Variants in AK9 observed in about 807,000 individuals in gnomAD.
AK9 encodes adenylate kinase 9, also known as adenylate kinase domain containing 1.
Under a neutral mutation model 239.6 loss-of-function variants are expected in AK9, and 191 were observed. The observed-to-expected ratio is 0.80, with a 90% confidence interval of 0.71 to 0.90. The LOEUF (loss-of-function observed/expected upper bound fraction) is 0.90, where lower values mean the gene tolerates loss of function less well. AK9 is among the 40% of genes least tolerant of loss of function. AK9 has a pLI of 0.00. For missense variants in AK9, 1,995 were observed against 2,214.7 expected (o/e 0.90, Z 1.99); for synonymous variants, 689 against 721.0 (o/e 0.96, Z 0.71).
intron 17 of AK9, among the ~76,000 whole-genome samples, chr6:109,603,563 ACT>A (rs1232959035): frequency 6.6e-6 from 1 of 151,766 alleles, no homozygotes; most frequent in Admixed American, 6.6e-5. Flanking sequence ...GAGATCTGAA[ACT>A]CTGTGCTGGG....
At position 109,515,986 on chromosome 6, in the gene AK9, C is replaced by T; in HGVS notation, c.3936G>A (p.Leu1312=). 1.3e-6 allele frequency: 2 copies of T among 1,551,350 alleles called. No individual in the cohort carries two copies. Among genetic ancestry groups the T allele is most frequent in the Non-Finnish European group, 1.7e-6 (2 of 1,146,698 alleles). ...HIVQYTLNMK[L]KPLVENRASI... is the part of the protein sequence containing the mutation. ...TTGCACGATTTTCCACCAGTGGTTT[C>T]AGTTTCATATTCAATGTATATTGTA... Residue 1312 remains leucine (L), a synonymous_variant, in exon 31 of 41, where the codon CTG becomes CTA. Transcript: ENST00000424296.
At chr6:109,675,604 T>A (rs773712314) in intron 2 of AK9, 25 bp downstream of exon 2, 1 of 1,296,654 alleles carries the variant, frequency 7.7e-7, no homozygotes, top group East Asian at 2.8e-5. Flanking sequence ...AAAAAAATTA[T>A]ACCAAATAAT....
chr6:109,538,036 A>G (rs545390466), intron 27 of AK9, among the ~76,000 whole-genome samples: 5 of 152,278 alleles, frequency 3.3e-5, no homozygotes, highest in Admixed American at 1.3e-4. Flanking sequence ...TATGTGGTCA[A>G]TTTTGGAATA....
At chr6:109,644,742 T>G in intron 8 of AK9, 54 bp from the exon 9 acceptor site, 2 of 1,451,042 alleles carry the variant, frequency 1.4e-6, no homozygotes, top group Non-Finnish European at 1.9e-6. Flanking sequence ...AAAAACTGAA[T>G]ACAAGATCAG....
intron 3 of AK9, among the ~76,000 whole-genome samples, chr6:109,672,515 C>A (rs9400316): frequency 6.6e-6 from 1 of 151,696 alleles, no homozygotes; most frequent in Non-Finnish European, 1.5e-5. Context: ...AGACTACATT[C>A]CTACAAAAAG....
chr6:109,514,235 C>T lies in AK9; in HGVS notation c.4268G>A (p.Gly1423Glu). 6.5e-7 allele frequency: 1 copy of T among 1,550,364 alleles called. No homozygotes were observed. Among genetic ancestry groups the T allele is most frequent in the Non-Finnish European group, 8.7e-7 (1 of 1,146,590 alleles). ...AAACATACGCTCACCTGTAGTTTTC[C>T]CAGATTTTGGAGGCCCCACAATTAT... ...RIIIVGPPKS[G>E]KTTVAKKITS... The change falls in exon 32 of 41, where the codon GGG (glycine) becomes GAG (glutamate). Residue 1423 changes from glycine (G) to glutamate (E), a missense_variant. Gly to Glu is a moderately conservative substitution (Grantham distance 98, BLOSUM62 -2). This residue lies in a region of AK9 where 1,290 missense variants were observed against 1,392.7 expected (regional missense o/e 0.93). Coordinates refer to ENST00000424296, the MANE Select transcript of AK9 (RefSeq NM_001145128.3).
intron 33 of AK9, among the ~76,000 whole-genome samples, chr6:109,508,411 C>A (rs1405033269): frequency 6.6e-6 from 1 of 152,144 alleles, no homozygotes; most frequent in East Asian, 1.9e-4. Context: ...CAAAGCTGAA[C>A]ACCAGGGAGG....
chr6:109,586,503 T>C (rs1206145964), intron 17 of AK9, among the ~76,000 whole-genome samples: 4 of 152,184 alleles, frequency 2.6e-5, no homozygotes, highest in Non-Finnish European at 5.9e-5. Flanking sequence ...GGACAGATCA[T>C]GATTCAGAAG....
rs1796307225 is a variant in AK9 at position 109,633,088 on chromosome 6, G to T, written c.1089C>A (p.Ile363=). Reference sequence around the variant, plus strand: ...ATGCTTCTTCTGATGAAAGACAGTAGATTTTACCTAGAAAACTTAAAATAT... The same window carrying T: ...ATGCTTCTTCTGATGAAAGACAGTATATTTTACCTAGAAAACTTAAAATAT... ...PDYSVSFLGK[I]YCLSSEEALK... Residue 363 remains isoleucine, a synonymous_variant, in exon 12 of 41, where the codon ATC becomes ATA. Coordinates refer to ENST00000424296, the MANE Select transcript of AK9 (RefSeq NM_001145128.3). 1 of 1,545,956 alleles carries T rather than the reference G, an allele frequency of 6.5e-7. No homozygotes were observed. The highest frequency in any genetic ancestry group is 1.3e-5 in the South Asian group (1 of 78,448).
chr6:109,629,827 G>A (rs1407686101), intron 12 of AK9, among the ~76,000 whole-genome samples: 1 of 151,868 alleles, frequency 6.6e-6, no homozygotes, highest in African/African-American at 2.4e-5. Context: ...TAGAGACGGG[G>A]TTTCACCGTG....
chr6:109,597,382 AT>A (rs1238372671), intron 17 of AK9, among the ~76,000 whole-genome samples: 6 of 151,650 alleles, frequency 4.0e-5, no homozygotes, highest in Admixed American at 2.0e-4. Flanking sequence ...TTCTTTAAAA[AT>A]TTTTTTTTGC....
chr6:109,541,414 A>AT (rs1315793449), intron 27 of AK9, among the ~76,000 whole-genome samples: 2 of 152,052 alleles, frequency 1.3e-5, no homozygotes, highest in Non-Finnish European at 2.9e-5. Context: ...CATTATAATA[A>AT]TTTTTTTGTT....
At chr6:109,632,197 A>T (rs1303597312) in intron 12 of AK9, 2 of 985,360 alleles carry the variant, frequency 2.0e-6, no homozygotes, top group East Asian at 2.3e-4. Flanking sequence ...AGCAAATAGA[A>T]AATGATACTC....
At chr6:109,511,936 G>C (rs1379577663) in intron 32 of AK9, among the ~76,000 whole-genome samples, 1 of 152,138 alleles carries the variant, frequency 6.6e-6, no homozygotes, top group Non-Finnish European at 1.5e-5. Context: ...ACGTTCTGCT[G>C]TCTTTGGAAA....
In AK9 at chr6:109,579,589, TTTC is replaced by T. The variant is rs370374856; in HGVS notation, c.2149_2151del (p.Glu717del). ...TTCATAAGTTCCAGTAGCCTTCGATTTTCTTCTTCGAGTCTCAATTCCTCTTCT... is the reference window on the plus strand; with the variant it reads ...TTCATAAGTTCCAGTAGCCTTCGATTTTCTTCGAGTCTCAATTCCTCTTCT... On this transcript the variant is annotated inframe_deletion, in exon 20 of 41. Coordinates refer to ENST00000424296, the MANE Select transcript of AK9 (RefSeq NM_001145128.3). The T allele has an allele frequency of 3.2e-5, 50 of 1,551,344 alleles. No individual in the cohort carries two copies. In the African/African-American group the frequency reaches 6.2e-4, roughly 19 times the overall value.
At chr6:109,602,385 A>C (rs1440841774) in intron 17 of AK9, among the ~76,000 whole-genome samples, 1 of 152,174 alleles carries the variant, frequency 6.6e-6, no homozygotes, top group Non-Finnish European at 1.5e-5. Flanking sequence ...TTTCTTTAAG[A>C]ATGTTGAATA....
intron 17 of AK9, among the ~76,000 whole-genome samples, chr6:109,594,858 T>C (rs1790801359): frequency 6.6e-6 from 1 of 151,928 alleles, no homozygotes; most frequent in Non-Finnish European, 1.5e-5. Context: ...CAAAATTAAC[T>C]CAAGATGAAT....
intron 10 of AK9, among the ~76,000 whole-genome samples, chr6:109,640,085 G>A (rs781703318): frequency 5.3e-5 from 8 of 152,166 alleles, no homozygotes; most frequent in Admixed American, 1.3e-4. Context: ...GTAGCGTGAC[G>A]CCTCCACCTT....
chr6:109,649,893 A>T (rs1798664134), intron 8 of AK9, among the ~76,000 whole-genome samples: 1 of 152,154 alleles, frequency 6.6e-6, no homozygotes, highest in African/African-American at 2.4e-5. Context: ...AGAGATATAG[A>T]CCAATGGAAC....
Sources: gnomAD v4.1 joint callset for allele counts (sites outside exome capture counted in the v4.1 genomes callset) on GRCh38, gnomAD v4.1.1 for gene constraint, gnomAD v4.1.1 regional missense constraint, MANE v1.5 for transcripts, NCBI Gene and HGNC (gene_info 2026-07-23, HGNC 2026-07-21) for gene names.